Variants in NSUN2 observed in about 807,000 individuals in gnomAD.
NSUN2 encodes NOP2/Sun RNA methyltransferase 2.
In NSUN2, 63 loss-of-function variants were observed where a neutral mutation model predicts 92.7. The observed-to-expected ratio is 0.68, with a 90% confidence interval of 0.56 to 0.84. The LOEUF is 0.84. Ranked by LOEUF, NSUN2 falls within the 40% of genes least tolerant of loss-of-function variation. The pLI is 0.00. For missense variants in NSUN2, 989 were observed against 964.9 expected (o/e 1.02, Z -0.33); for synonymous variants, 356 against 348.3 (o/e 1.02, Z -0.25).
At chr5:6,609,966 T>A in intron 11 of NSUN2, 44 bp from the exon 12 acceptor site, 1 of 1,314,110 alleles carries the variant, frequency 7.6e-7, no homozygotes, top group Non-Finnish European at 1.1e-6. Context: ...TAATCAAAAA[T>A]GCATTCTTTT....
At chr5:6,623,110 A>T (rs115832950) in intron 5 of NSUN2, 104 bp downstream of exon 5, 19,596 of 891,892 alleles carry the variant, frequency 0.022, 298 homozygotes, top group Non-Finnish European at 0.027. Context: ...AAAAGAAGAA[A>T]AAAAGGACTA....
In NSUN2 at chr5:6,610,798, T is replaced by C. The variant is rs11741091; in HGVS notation, c.1226+157A>G. Reference sequence around the variant, plus strand: ...CAACAGGCACAAGAGCCATACTGGCTGGGAAGTTCACACACATGGGGTTGA... The same window carrying C: ...CAACAGGCACAAGAGCCATACTGGCCGGGAAGTTCACACACATGGGGTTGA... On this transcript the variant is annotated intron_variant, in intron 11 of 18. Transcript: ENST00000264670. 0.38 allele frequency among the ~76,000 whole-genome samples: 58,004 copies of C among 152,002 alleles called. 11,440 individuals are homozygous for C. Among genetic ancestry groups the C allele is most frequent in the Middle Eastern group, 0.47 (138 of 294 alleles).
chr5:6,616,846 C>A lies in NSUN2; in HGVS notation c.902G>T (p.Arg301Leu), dbSNP rs144569332. The change falls in exon 9 of 19, where the codon CGG becomes CTG. Residue 301 changes from arginine (R) to leucine (L), a missense_variant. Arg to Leu is a moderately radical substitution (Grantham distance 102). This residue lies in a region of NSUN2 where 626 missense variants were observed against 602.3 expected (regional missense o/e 1.04). Transcript: ENST00000264670. ...CTGTTCAGCCCCGCGTGTTGCAATCCGCAGCTGTAAGCTAAGGGGAGATAT... is the reference window on the plus strand; with the variant it reads ...CTGTTCAGCCCCGCGTGTTGCAATCAGCAGCTGTAAGCTAAGGGGAGATAT... Reference protein sequence around the residue: ...NSLQLHGLQLRIATRGAEQLA... With the variant: ...NSLQLHGLQLLIATRGAEQLA... 1.9e-6 allele frequency: 3 copies of A among 1,613,032 alleles called. No homozygotes were observed. The South Asian group carries it at 3.3e-5, about 18-fold the overall frequency.
chr5:6,623,357 A>T, intron 4 of NSUN2, 72 bp from the exon 5 acceptor site: 4 of 1,385,138 alleles, frequency 2.9e-6, no homozygotes, highest in Non-Finnish European at 3.9e-6. Context: ...AATCTTTGGC[A>T]TTGTTTCAAA....
chr5:6,609,754 A>G (rs1403414977), intron 12 of NSUN2, 72 bp downstream of exon 12: 1 of 1,232,396 alleles, frequency 8.1e-7, no homozygotes, highest in South Asian at 1.3e-5. Flanking sequence ...TACTTCTACT[A>G]AACTCCGGTT....
chr5:6,609,722 C>G, intron 12 of NSUN2, 104 bp downstream of exon 12: 1 of 856,436 alleles, frequency 1.2e-6, no homozygotes, highest in Non-Finnish European at 1.9e-6. Flanking sequence ...CTGCCCACAG[C>G]AAGAAGCTCC....
Position 6,604,736 on chromosome 5 carries a change from C to T in NSUN2, c.1738-51G>A, listed in dbSNP as rs1266962601. ...CACAGAGAGATGAAGACAGGACCAT[C>T]TCCTGTAAGGATGCCGGGCCACATG... On this transcript the variant is annotated intron_variant, in intron 15 of 18. Transcript: ENST00000264670. 2.7e-6 allele frequency: 4 copies of T among 1,465,412 alleles called. No individual in the cohort carries two copies. In the South Asian group the frequency reaches 4.5e-5, roughly 17 times the overall value. 90.8% of individuals were successfully genotyped at this position (1,465,412 alleles called of 1,614,324 possible). A position where few individuals can be genotyped will look rare whatever the true frequency, so the allele number is the denominator to read the frequency against.
intron 17 of NSUN2, chr5:6,603,860 A>C: frequency 3.2e-6 from 1 of 312,876 alleles, no homozygotes; most frequent in Non-Finnish European, 5.9e-6. Context: ...AAGGTGAGCA[A>C]AGGCCAGCCC....
chr5:6,622,206 T>C, intron 5 of NSUN2, 106 bp from the exon 6 acceptor site: 3 of 833,242 alleles, frequency 3.6e-6, no homozygotes, highest in Non-Finnish European at 3.9e-6. Context: ...GATCTAAATA[T>C]ACTTCTTTAC....
intron 8 of NSUN2, 24 bp downstream of exon 8, chr5:6,617,926 T>C (rs961982701): frequency 3.8e-6 from 6 of 1,561,802 alleles, no homozygotes; most frequent in Non-Finnish European, 4.4e-6. Context: ...CACACAGTGT[T>C]AGCAGTGATG....
intron 9 of NSUN2, among the ~76,000 whole-genome samples, chr5:6,614,923 A>T (rs976032232): frequency 6.6e-6 from 1 of 152,180 alleles, no homozygotes; most frequent in Non-Finnish European, 1.5e-5. Flanking sequence ...AGAACTCAGG[A>T]GACCTGGCTT....
At chr5:6,612,104 G>T (rs2126484045) in intron 9 of NSUN2, among the ~76,000 whole-genome samples, 1 of 152,294 alleles carries the variant, frequency 6.6e-6, no homozygotes, top group South Asian at 2.1e-4. Context: ...AAAAATCACT[G>T]AACCGTACAC....
chr5:6,630,237 C>T (rs909397998), intron 3 of NSUN2, among the ~76,000 whole-genome samples: 5 of 152,208 alleles, frequency 3.3e-5, no homozygotes, highest in Non-Finnish European at 7.3e-5. Flanking sequence ...CTAACAGCAA[C>T]GTAGCACCCG....
intron 6 of NSUN2, 144 bp downstream of exon 6, chr5:6,621,872 T>C: frequency 3.1e-6 from 2 of 646,928 alleles, no homozygotes; most frequent in Non-Finnish European, 5.5e-6. Context: ...AGATGTCCAG[T>C]TCTACTTCCG....
In NSUN2 at chr5:6,604,604, C is replaced by G; in HGVS notation, c.1818+1G>C. On this transcript the variant is annotated splice_donor_variant, in intron 16 of 18. Transcript: ENST00000264670. LOFTEE classifies it high-confidence loss of function. ...CTGTTCAAATCCACTTCCAAAATTA[C>G]CTCCTGTGCCAGCCGGAAAGCACAG... The G allele has an allele frequency of 6.2e-7, 1 of 1,613,816 alleles. No individual in the cohort carries two copies. Among genetic ancestry groups the G allele is most frequent in the Non-Finnish European group, 8.5e-7 (1 of 1,179,698 alleles).
chr5:6,629,730 G>A (rs1228525516), intron 3 of NSUN2, among the ~76,000 whole-genome samples: 2 of 152,114 alleles, frequency 1.3e-5, no homozygotes, highest in African/African-American at 4.8e-5. Flanking sequence ...CGTGTCAAGG[G>A]CAGGACGAGG....
At chr5:6,615,300 A>T (rs1737163265) in intron 9 of NSUN2, among the ~76,000 whole-genome samples, 1 of 152,218 alleles carries the variant, frequency 6.6e-6, no homozygotes, top group South Asian at 2.1e-4. Flanking sequence ...GGGAAACAGG[A>T]GGTGTCTGTG....
intron 15 of NSUN2, 147 bp from the exon 16 acceptor site, chr5:6,604,832 A>G (rs1736696754): frequency 4.6e-6 from 3 of 656,858 alleles, no homozygotes; most frequent in Admixed American, 2.7e-5. Context: ...TTAAGAACGA[A>G]CTGATACTCA....
At chr5:6,620,053 TTTGACTTGATTTCTTTA>T in intron 7 of NSUN2, 36 bp downstream of exon 7, 4 of 1,403,460 alleles carry the variant, frequency 2.9e-6, no homozygotes. Context: ...TTAGTCTCTA[TTTGACTTGATTTCTTTA>T]GTGGATTTGG....
Sources: allele counts gnomAD v4.1 joint callset (sites outside exome capture counted in the v4.1 genomes callset), GRCh38; gene constraint gnomAD v4.1.1; regional missense constraint gnomAD v4.1.1; transcripts MANE v1.5; gene names NCBI Gene and HGNC (gene_info 2026-07-23, HGNC 2026-07-21).